Variants in GABRG1 observed in about 807,000 individuals in gnomAD.
GABRG1 encodes gamma-aminobutyric acid type A receptor subunit gamma1, also known as gamma-aminobutyric acid receptor subunit gamma-1.
A neutral mutation model predicts 49.8 loss-of-function variants in GABRG1; 49 were observed. The observed-to-expected ratio is 0.98, with a 90% CI of 0.78 to 1.25. GABRG1 has a LOEUF of 1.25. Among genes scored for constraint, GABRG1 ranks in the 50% most tolerant of loss-of-function variants. The pLI is 0.00. For synonymous variants in GABRG1, 232 were observed against 185.1 expected (o/e 1.25, Z -2.06); for missense variants, 552 against 552.3 (o/e 1.00, Z 0.01).
intron 3 of GABRG1, among the ~76,000 whole-genome samples, chr4:46,076,655 C>G (rs1719347150): frequency 1.3e-5 from 2 of 151,444 alleles, no homozygotes; most frequent in Admixed American, 6.6e-5. Context: ...GACATTCATT[C>G]TGTCAGAACA....
intron 5 of GABRG1, among the ~76,000 whole-genome samples, chr4:46,061,360 A>C (rs1718665174): frequency 6.6e-6 from 1 of 152,104 alleles, no homozygotes; most frequent in Non-Finnish European, 1.5e-5. Flanking sequence ...GCAAAAAAAA[A>C]TGTGGAAATT....
At chr4:46,049,742 A>G (rs549508011) in intron 8 of GABRG1, among the ~76,000 whole-genome samples, 3 of 152,082 alleles carry the variant, frequency 2.0e-5, no homozygotes, top group East Asian at 3.9e-4. Flanking sequence ...TTTAAAGTCT[A>G]CACTAGAGTA....
chr4:46,058,158 C>A, intron 7 of GABRG1, 59 bp downstream of exon 7: 1 of 1,475,428 alleles, frequency 6.8e-7, no homozygotes, highest in African/African-American at 1.4e-5. Flanking sequence ...GAACTTTTAT[C>A]ACATCAAAAT....
chr4:46,117,118 A>G (rs1026050968), intron 1 of GABRG1, among the ~76,000 whole-genome samples: 1 of 150,664 alleles, frequency 6.6e-6, no homozygotes. Context: ...TCTTAAAGCC[A>G]TCTAGAGAAA....
At chr4:46,057,954 T>C (rs34244264) in intron 7 of GABRG1, among the ~76,000 whole-genome samples, 4 of 152,148 alleles carry the variant, frequency 2.6e-5, no homozygotes, top group Admixed American at 1.3e-4. Context: ...TTAATTCTTG[T>C]TATGGATCTA....
In GABRG1 at chr4:46,071,780, T is replaced by C. The variant is rs543523836; in HGVS notation, c.322-6196A>G. Among the ~76,000 whole-genome samples, 14 of 151,916 alleles carry C rather than the reference T, an allele frequency of 9.2e-5. No individual in the cohort carries two copies. In the East Asian group the frequency reaches 2.5e-3, roughly 27 times the overall value. On this transcript the variant is annotated intron_variant, in intron 3 of 8. Coordinates refer to ENST00000295452, the MANE Select transcript of GABRG1 (RefSeq NM_173536.4). ...TTACAAAATAATGACACAAAGAAAATACTTTGTACAGTTGTAAAATGTTTT... is the reference window on the plus strand; with the variant it reads ...TTACAAAATAATGACACAAAGAAAACACTTTGTACAGTTGTAAAATGTTTT...
At chr4:46,069,340 T>A (rs1483252421) in intron 3 of GABRG1, among the ~76,000 whole-genome samples, 2 of 152,072 alleles carry the variant, frequency 1.3e-5, no homozygotes, top group Admixed American at 1.3e-4. Context: ...GTAATGGAGC[T>A]ATAGACATGT....
chr4:46,103,317 T>A (rs1258210839), intron 1 of GABRG1, among the ~76,000 whole-genome samples: 4 of 151,236 alleles, frequency 2.6e-5, no homozygotes, highest in African/African-American at 9.7e-5. Context: ...TGGAAAAAAA[T>A]GATAATTGCT....
chr4:46,123,392 A>C (rs1276100214), intron 1 of GABRG1, among the ~76,000 whole-genome samples: 1 of 152,124 alleles, frequency 6.6e-6, no homozygotes, highest in African/African-American at 2.4e-5. Flanking sequence ...AGGTAGAAAA[A>C]CATCATACAT....
At chr4:46,075,758 A>G (rs753189035) in intron 3 of GABRG1, among the ~76,000 whole-genome samples, 5 of 152,108 alleles carry the variant, frequency 3.3e-5, no homozygotes, top group Non-Finnish European at 5.9e-5. Context: ...CTAATTGCAG[A>G]ATTCCAGGAC....
At chr4:46,050,330 C>A (rs1718167253) in intron 8 of GABRG1, among the ~76,000 whole-genome samples, 1 of 151,660 alleles carries the variant, frequency 6.6e-6, no homozygotes, top group African/African-American at 2.4e-5. Context: ...AGGTTTTTCT[C>A]TTGGAATATA....
Position 46,101,182 on chromosome 4 carries a change from C to T in GABRG1, c.105-3833G>A, listed in dbSNP as rs529779208. Reference sequence around the variant, plus strand: ...ATTTATTAAAAATTAATATACCTACCTTAAAAATGAGAAAATAAGAGATTA... The same window carrying T: ...ATTTATTAAAAATTAATATACCTACTTTAAAAATGAGAAAATAAGAGATTA... On this transcript the variant is annotated intron_variant, in intron 1 of 8. Transcript: ENST00000295452. 2.2e-4 allele frequency among the ~76,000 whole-genome samples: 33 copies of T among 150,808 alleles called. 2 individuals are homozygous for T. The highest frequency in any genetic ancestry group is 6.8e-4 in the African/African-American group (28 of 41,344).
chr4:46,080,489 T>G (rs1456240060), intron 3 of GABRG1, among the ~76,000 whole-genome samples: 1 of 151,900 alleles, frequency 6.6e-6, no homozygotes, highest in Admixed American at 6.6e-5. Context: ...TATTTTCACC[T>G]GTTTTAGTAT....
At chr4:46,060,597 T>A (rs1308481971) in intron 5 of GABRG1, among the ~76,000 whole-genome samples, 1 of 152,166 alleles carries the variant, frequency 6.6e-6, no homozygotes, top group Non-Finnish European at 1.5e-5. Context: ...TAAACAGAAT[T>A]CACTAATTAA....
intron 7 of GABRG1, among the ~76,000 whole-genome samples, chr4:46,056,831 A>C (rs1577636194): frequency 6.6e-6 from 1 of 152,212 alleles, no homozygotes; most frequent in East Asian, 1.9e-4. Context: ...CAATTACAAG[A>C]GATATTTGTC....
chr4:46,057,928 G>A (rs1004378566), intron 7 of GABRG1, among the ~76,000 whole-genome samples: 2 of 152,006 alleles, frequency 1.3e-5, no homozygotes, highest in Non-Finnish European at 2.9e-5. Context: ...TAGGAATTAC[G>A]TATGATTTTC....
intron 2 of GABRG1, among the ~76,000 whole-genome samples, chr4:46,086,076 T>C (rs1719742199): frequency 6.6e-6 from 1 of 151,502 alleles, no homozygotes; most frequent in South Asian, 2.1e-4. Flanking sequence ...CACATATGTA[T>C]ATATAAATGT....
At chr4:46,095,711 C>T (rs1720143155) in intron 2 of GABRG1, among the ~76,000 whole-genome samples, 1 of 151,706 alleles carries the variant, frequency 6.6e-6, no homozygotes, top group Non-Finnish European at 1.5e-5. Context: ...AGTTTCAAAT[C>T]AATAGAAAAA....
Position 46,051,500 on chromosome 4 carries a change from C to T in GABRG1, c.1055G>A (p.Gly352Glu). ...GTTGCTGGTAAAATAATGCAAGGTT[C>T]CATATTCCATCAAGGCTGCAAAAAC... is the stretch of plus-strand genomic sequence containing the variant. ...IFVFAALMEYGTLHYFTSNQK... is the reference protein window; with the variant it reads ...IFVFAALMEYETLHYFTSNQK... The change falls in exon 8 of 9, where the codon GGA becomes GAA. Residue 352 changes from glycine to glutamate, a missense_variant. By Grantham distance (98) the Gly-to-Glu change is moderately conservative. Transcript: ENST00000295452. The T allele has an allele frequency of 2.5e-6, 4 of 1,611,244 alleles. No individual in the cohort carries two copies. The highest frequency in any genetic ancestry group is 3.4e-6 in the Non-Finnish European group (4 of 1,178,404).
Sources: gnomAD v4.1 joint callset for allele counts (sites outside exome capture counted in the v4.1 genomes callset) on GRCh38, gnomAD v4.1.1 for gene constraint, MANE v1.5 for transcripts, NCBI Gene and HGNC (gene_info 2026-07-23, HGNC 2026-07-21) for gene names.